The following MEIS3 variants were observed in gnomAD, a reference collection of about 807,000 sequenced individuals.
The protein encoded by MEIS3 is Meis homeobox 3.
In MEIS3, 38 loss-of-function variants were observed where a neutral mutation model predicts 51.4. That is an observed-to-expected ratio of 0.74 (90% CI 0.57 to 0.97). The LOEUF is 0.97. Ranked by LOEUF, MEIS3 falls within the 50% of genes least tolerant of loss-of-function variation. MEIS3 has a pLI of 0.00. For synonymous variants in MEIS3, 198 were observed against 201.8 expected, an observed-to-expected ratio of 0.98 and a Z score of 0.16; for missense variants, 456 against 502.6, an observed-to-expected ratio of 0.91 and a Z score of 0.89.
At chr19:47,417,129 A>C in intron 2 of MEIS3, 49 bp downstream of exon 2, 1 of 1,538,280 alleles carries the variant, frequency 6.5e-7, no homozygotes, top group South Asian at 1.3e-5. Context: ...GCAAAGAAGC[A>C]GAAAGACAGA....
chr19:47,420,564 A>AGC, upstream of MEIS3, among the ~76,000 whole-genome samples: 1 of 123,440 alleles, frequency 8.1e-6, no homozygotes, highest in African/African-American at 3.1e-5. Flanking sequence ...GGGAGGAGAG[A>AGC]GAGAGAGAGG....
intron 6 of MEIS3, 37 bp from the exon 7 acceptor site, chr19:47,409,584 C>T (rs1224752630): frequency 2.0e-6 from 3 of 1,520,980 alleles, no homozygotes; most frequent in Non-Finnish European, 2.7e-6. Flanking sequence ...GCCAAGGCGG[C>T]CGGGCGCAGT....
At position 47,403,492 on chromosome 19, in the gene MEIS3, T is replaced by C. The variant is rs1410551993; in HGVS notation, c.*79A>G. ...GCCTTTGGAGGTGGGGTCCTGAAGC[T>C]GGAGGACCAGGCGGGAACCAGAGGC... On this transcript the variant is annotated 3_prime_UTR_variant, in exon 13 of 13. Transcript: ENST00000558555. 2 of 455,968 alleles carry C rather than the reference T, an allele frequency of 4.4e-6. No homozygotes were observed. Among genetic ancestry groups the C allele is most frequent in the Admixed American group, 2.4e-5 (1 of 42,500 alleles). The allele number at this position is 455,968 out of a possible 1,614,324, so 28.2% of individuals were successfully genotyped here. A position where few individuals can be genotyped will look rare whatever the true frequency, so the allele number is the denominator to read the frequency against.
upstream of MEIS3, among the ~76,000 whole-genome samples, chr19:47,420,944 T>A (rs78227658): frequency 0.13 from 11,701 of 92,776 alleles, 608 homozygotes; most frequent in East Asian, 0.26. Context: ...ACACACACTC[T>A]CTCTCTCTCT....
At chr19:47,407,785 C>T (rs865829842) in intron 8 of MEIS3, 1 of 453,398 alleles carries the variant, frequency 2.2e-6, no homozygotes, top group African/African-American at 2.0e-5. Flanking sequence ...GTCAGAGTCT[C>T]TGTGTGGCCC....
chr19:47,420,940 A>ACACACACACACACACACTCTCT (rs1187725467), upstream of MEIS3, among the ~76,000 whole-genome samples: 2 of 90,970 alleles, frequency 2.2e-5, no homozygotes, highest in Non-Finnish European at 4.2e-5. Flanking sequence ...ACACACACAC[A>ACACACACACACACACACTCTCT]CTCTCTCTCT....
chr19:47,422,158 C>A (rs1166546214), upstream of MEIS3, among the ~76,000 whole-genome samples: 10 of 152,144 alleles, frequency 6.6e-5, no homozygotes, highest in Admixed American at 5.9e-4. Flanking sequence ...CTGCCGCCCC[C>A]TTCCCCTCCC....
Position 47,407,420 on chromosome 19 carries a change from G to T in MEIS3, c.867C>A (p.Tyr289Ter). 6 of 1,613,870 alleles carry T rather than the reference G, an allele frequency of 3.7e-6. No homozygotes were observed. The highest frequency in any genetic ancestry group is 5.1e-6 in the Non-Finnish European group (6 of 1,179,934). Residue 289 changes from tyrosine (Y) to a stop codon, truncating the protein, a stop_gained, in exon 9 of 13, where the codon TAC becomes TAA. Transcript: ENST00000558555. LOFTEE classifies it high-confidence loss of function. ...GCTGTTTCTTCTGCTCCTCCGAGGG[G>T]TACGGGTGCTGCAGCCACCAGCAAG... ...AWLFQHLSHP[Y>*]PSEEQKKQLA...
intron 1 of MEIS3, chr19:47,417,824 C>T: frequency 3.3e-6 from 2 of 614,330 alleles, no homozygotes; most frequent in Non-Finnish European, 5.8e-6. Flanking sequence ...CAACATGTCA[C>T]ACTCCACTCG....
chr19:47,415,056 C>A lies in MEIS3; in HGVS notation c.442G>T (p.Glu148Ter). The A allele has an allele frequency of 6.4e-7, 1 of 1,561,674 alleles. No individual in the cohort carries two copies. The highest frequency in any genetic ancestry group is 8.7e-7 in the Non-Finnish European group (1 of 1,156,020). The change falls in exon 5 of 13, where the codon GAG (glutamate) becomes TAG (stop). Residue 148 changes from glutamate to a stop codon, truncating the protein, a stop_gained. Coordinates refer to ENST00000558555, the MANE Select transcript of MEIS3 (RefSeq NM_001301059.2). LOFTEE classifies it high-confidence loss of function. ...QVLRFHLLEL[E>*]KVHDLCDNFC... ...GGGAGGTGAGACGCGCTCACCTTCTCCAGCTCCAGCAGGTGGAACCGCAGC... is the reference window on the plus strand; with the variant it reads ...GGGAGGTGAGACGCGCTCACCTTCTACAGCTCCAGCAGGTGGAACCGCAGC...
In MEIS3 at chr19:47,416,958, G is replaced by A. The variant is rs199683999; in HGVS notation, c.191C>T (p.Pro64Leu). The stretch of plus-strand genomic sequence containing the variant: ...GACCAGGGCCAAGAGGGGGAAGAGC[G>A]GGTGTCTGGGGAGGCAGGAAAGGAG... ...KREKDEIYGHPLFPLLALVFE... is the reference protein window; with the variant it reads ...KREKDEIYGHLLFPLLALVFE... Residue 64 changes from proline (P) to leucine (L), a missense_variant, in exon 3 of 13, where the codon CCG (proline) becomes CTG (leucine). Coordinates refer to ENST00000558555, the MANE Select transcript of MEIS3 (RefSeq NM_001301059.2). The A allele has an allele frequency of 8.9e-5, 141 of 1,580,858 alleles. No homozygotes were observed. The highest frequency in any genetic ancestry group is 1.1e-4 in the Non-Finnish European group (124 of 1,163,236).
In MEIS3 at chr19:47,417,239, G is replaced by A; in HGVS notation, c.124C>T (p.Gln42Ter). Residue 42 changes from glutamine (Q) to a stop codon, truncating the protein, a stop_gained, in exon 2 of 13, where the codon CAG (glutamine) becomes TAG (stop). Transcript: ENST00000558555. LOFTEE classifies it high-confidence loss of function. ...CTGTCCAAGCCTGGGGGCAGGGGCT[G>A]GGGAGGCCGGTGCGGGCCATAGGGC... ...PGPYGPHRPP[Q>*]PLPPGLDSDG... 2 of 1,604,344 alleles carry A rather than the reference G, an allele frequency of 1.2e-6. No individual in the cohort carries two copies. The highest frequency in any genetic ancestry group is 1.7e-6 in the Non-Finnish European group (2 of 1,175,402).
chr19:47,409,933 C>A (rs943141234), intron 6 of MEIS3, among the ~76,000 whole-genome samples: 1 of 152,024 alleles, frequency 6.6e-6, no homozygotes. Flanking sequence ...GGATGGGAAG[C>A]CAGTCCCTGC....
chr19:47,415,127 G>A, intron 4 of MEIS3, 26 bp from the exon 5 acceptor site: 1 of 1,262,014 alleles, frequency 7.9e-7, no homozygotes, highest in Non-Finnish European at 1.1e-6. Flanking sequence ...GGAGGTGGGG[G>A]GAGACAGAGG....
intron 9 of MEIS3, 51 bp downstream of exon 9, chr19:47,407,301 C>T: frequency 6.3e-7 from 1 of 1,583,276 alleles, no homozygotes; most frequent in Non-Finnish European, 8.6e-7. Context: ...CCGCGGACAG[C>T]GCCCGGGCTC....
rs192952321 is a variant in MEIS3, at chr19:47,406,486, A to C, written c.1119T>G (p.His373Gln). Residue 373 changes from histidine (H) to glutamine (Q), a missense_variant, in exon 12 of 13, where the codon CAT (histidine) becomes CAG (glutamine). His to Gln is a conservative substitution (Grantham distance 24). Transcript: ENST00000558555. ...TCTCCTGCATCAGCCTCTATAGATA[A>C]TGCCATTCTCCTTCCAAGTTCAAAC... is the stretch of plus-strand genomic sequence containing the variant. ...GMSLNLEGEW[H>Q]YL The C allele has an allele frequency of 1.3e-4, 215 of 1,613,890 alleles. 1 individual carries two copies. In the East Asian group the frequency reaches 3.6e-3, roughly 27 times the overall value.
upstream of MEIS3, among the ~76,000 whole-genome samples, chr19:47,421,611 T>C (rs1402674727): frequency 6.6e-6 from 1 of 152,048 alleles, no homozygotes; most frequent in Non-Finnish European, 1.5e-5. Flanking sequence ...AGGCTCTCTC[T>C]GAGAATCTGT....
chr19:47,408,237 C>A (rs747075955), intron 8 of MEIS3, among the ~76,000 whole-genome samples: 1 of 152,134 alleles, frequency 6.6e-6, no homozygotes, highest in Non-Finnish European at 1.5e-5. Flanking sequence ...AGCAATCCTC[C>A]GGCCTCAGCC....
intron 8 of MEIS3, among the ~76,000 whole-genome samples, chr19:47,408,169 C>A (rs1599803720): frequency 6.6e-6 from 1 of 152,108 alleles, no homozygotes; most frequent in Admixed American, 6.5e-5. Flanking sequence ...CTCTGTCACT[C>A]AGGCTGGAGT....
Sources: allele counts gnomAD v4.1 joint callset (sites outside exome capture counted in the v4.1 genomes callset), GRCh38; gene constraint gnomAD v4.1.1; transcripts MANE v1.5; gene names NCBI Gene and HGNC (gene_info 2026-07-23, HGNC 2026-07-21).